The following CHD6 variants were observed in gnomAD, a reference collection of about 807,000 sequenced individuals.
The protein encoded by CHD6 is ATP-dependent chromatin remodeler CHD6.
A neutral mutation model predicts 276.9 loss-of-function variants in CHD6; 50 were observed. That is an observed-to-expected ratio of 0.18 (90% confidence interval 0.14 to 0.23). The LOEUF is 0.23. Ranked by LOEUF, CHD6 falls within the 10% of genes least tolerant of loss-of-function variation. The pLI, the probability that CHD6 is intolerant of heterozygous loss-of-function variation, is 1.00. For missense variants in CHD6, 2,564 were observed against 3,365.8 expected (o/e 0.76, Z 5.89); for synonymous variants, 1,173 against 1,229.3 (o/e 0.95, Z 0.96).
chr20:41,526,821 T>C (rs1220162279), intron 3 of CHD6, among the ~76,000 whole-genome samples: 1 of 152,208 alleles, frequency 6.6e-6, no homozygotes, highest in African/African-American at 2.4e-5. Flanking sequence ...AACATGTTTC[T>C]CAAAGGATAA....
At chr20:41,444,825 G>C (rs952997630) in intron 25 of CHD6, among the ~76,000 whole-genome samples, 1 of 152,196 alleles carries the variant, frequency 6.6e-6, no homozygotes, top group Non-Finnish European at 1.5e-5. Context: ...CATTGTATAA[G>C]TGAGAAAATA....
intron 1 of CHD6, among the ~76,000 whole-genome samples, chr20:41,566,868 C>T (rs747305962): frequency 1.3e-5 from 2 of 152,190 alleles, no homozygotes; most frequent in Non-Finnish European, 2.9e-5. Context: ...TCCCTATAAT[C>T]CTGTGTCAGG....
intron 2 of CHD6, among the ~76,000 whole-genome samples, 160 bp downstream of exon 2, chr20:41,551,145 T>G (rs2146145632): frequency 6.6e-6 from 1 of 152,302 alleles, no homozygotes. Flanking sequence ...AAAATCCATA[T>G]TATTAAGTCA....
At chr20:41,408,259 C>T (rs1400935476) in intron 36 of CHD6, among the ~76,000 whole-genome samples, 2 of 152,072 alleles carry the variant, frequency 1.3e-5, no homozygotes, top group African/African-American at 2.4e-5. Context: ...TGGTCAGGGA[C>T]AGAGCAGGTG....
intron 5 of CHD6, among the ~76,000 whole-genome samples, chr20:41,506,705 A>G (rs1314914556): frequency 6.6e-6 from 1 of 152,022 alleles, no homozygotes; most frequent in Non-Finnish European, 1.5e-5. Context: ...TGGTCCTTTG[A>G]CCTCCCATGC....
At chr20:41,468,108 CTT>C (rs34106201) in intron 17 of CHD6, among the ~76,000 whole-genome samples, 16 of 136,584 alleles carry the variant, frequency 1.2e-4, no homozygotes, top group Admixed American at 1.5e-4. Context: ...TCCTATCATT[CTT>C]TTTTTTTTTT....
chr20:41,472,241 CAAA>C (rs11360480), intron 17 of CHD6, among the ~76,000 whole-genome samples: 2 of 125,846 alleles, frequency 1.6e-5, no homozygotes, highest in Admixed American at 7.9e-5. Context: ...GACTCTGTCT[CAAA>C]AAAAAAAAAA....
Position 41,437,217 on chromosome 20 carries a change from A to T in CHD6, c.4068+57T>A, listed in dbSNP as rs996096527. On this transcript the variant is annotated intron_variant, in intron 27 of 36. Coordinates refer to ENST00000373233, the MANE Select transcript of CHD6 (RefSeq NM_032221.5). Reference sequence around the variant, plus strand: ...CCCCCAGATCACTACCAAGATAGGGATTTCTTTCTTAATATGAAAGACGGT... The same window carrying T: ...CCCCCAGATCACTACCAAGATAGGGTTTTCTTTCTTAATATGAAAGACGGT... The T allele has an allele frequency of 3.8e-6, 5 of 1,306,810 alleles. No individual in the cohort carries two copies. In the East Asian group the frequency reaches 1.2e-4, roughly 30 times the overall value. The allele number at this position is 1,306,810 out of a possible 1,614,324, so 81.0% of individuals were successfully genotyped here.
Position 41,421,648 on chromosome 20 carries a change from C to T in CHD6, c.4987G>A (p.Val1663Met). The change falls in exon 31 of 37, where the codon GTG becomes ATG. Residue 1663 changes from valine to methionine, a missense_variant. Val to Met is a conservative substitution (Grantham distance 21, BLOSUM62 1). Around this residue, in one of 7 missense-constraint regions of CHD6, gnomAD observed 1,024 missense variants for 1,047.9 expected, o/e 0.98. Transcript: ENST00000373233. ...TGATCATCTCTGCTTTCTACTCTCA[C>T]TAGATTTTCAGGTTCATTTTCAAGG... ...ESLENEPENL[V>M]RVESRDDHLS... The T allele has an allele frequency of 1.2e-6, 2 of 1,613,614 alleles. No homozygotes were observed. Among genetic ancestry groups the T allele is most frequent in the Non-Finnish European group, 1.7e-6 (2 of 1,179,712 alleles).
intron 1 of CHD6, among the ~76,000 whole-genome samples, chr20:41,615,900 T>C (rs550852199): frequency 6.6e-6 from 1 of 152,356 alleles, no homozygotes; most frequent in East Asian, 1.9e-4. Flanking sequence ...AAAACATTTC[T>C]TCAAAACTTT....
rs1008329312 is a variant in CHD6 at position 41,403,901 on chromosome 20, G to A, written c.*692C>T. ...TCGCAGCAAGAGGAATCTTTTCACT[G>A]GTGAGAGGGATGTATAGAAAATAAT... On this transcript the variant is annotated 3_prime_UTR_variant, in exon 37 of 37. Transcript: ENST00000373233. The A allele has an allele frequency of 9.5e-7, 1 of 1,056,106 alleles. No homozygotes were observed. The highest frequency in any genetic ancestry group is 1.7e-5 in the African/African-American group (1 of 60,492). The allele number at this position is 1,056,106 out of a possible 1,614,324, so 65.4% of individuals were successfully genotyped here.
intron 3 of CHD6, among the ~76,000 whole-genome samples, chr20:41,520,069 A>T (rs772477197): frequency 6.6e-6 from 1 of 152,250 alleles, no homozygotes; most frequent in Non-Finnish European, 1.5e-5. Context: ...CACATGAAAA[A>T]ATGCTCATCA....
chr20:41,554,510 T>C (rs1168344468), intron 1 of CHD6, among the ~76,000 whole-genome samples: 1 of 151,676 alleles, frequency 6.6e-6, no homozygotes, highest in Non-Finnish European at 1.5e-5. Context: ...CAAAGGTCTC[T>C]GGTTTTCCTA....
chr20:41,463,564 A>G (rs1296888948), intron 17 of CHD6, among the ~76,000 whole-genome samples: 1 of 152,154 alleles, frequency 6.6e-6, no homozygotes, highest in Non-Finnish European at 1.5e-5. Context: ...GTAGTACTAA[A>G]CCTAGATCCA....
intron 29 of CHD6, 55 bp downstream of exon 29, chr20:41,425,123 T>C: frequency 3.4e-6 from 5 of 1,451,120 alleles, no homozygotes; most frequent in Non-Finnish European, 4.8e-6. Flanking sequence ...CTTTACCTTT[T>C]GAAAACTTTA....
At chr20:41,562,512 A>G (rs749672642) in intron 1 of CHD6, among the ~76,000 whole-genome samples, 13 of 149,768 alleles carry the variant, frequency 8.7e-5, no homozygotes, top group Non-Finnish European at 1.8e-4. Flanking sequence ...TTTTTGTATT[A>G]TGAATTCTTT....
At position 41,514,801 on chromosome 20, in the gene CHD6, G is replaced by T; in HGVS notation, c.702+4C>A. On this transcript the variant is annotated splice_donor_region_variant and intron_variant, in intron 4 of 36. Coordinates refer to ENST00000373233, the MANE Select transcript of CHD6 (RefSeq NM_032221.5). ...TCCACCAGGCCTCCCGGTCACAGCT[G>T]TACCTGGCTGTCTGTAGACTCAGTG... 2 of 1,613,666 alleles carry T rather than the reference G, an allele frequency of 1.2e-6. No individual in the cohort carries two copies. Among genetic ancestry groups the T allele is most frequent in the Non-Finnish European group, 1.7e-6 (2 of 1,179,816 alleles).
At chr20:41,545,180 C>A (rs1184769498) in intron 2 of CHD6, among the ~76,000 whole-genome samples, 5 of 152,158 alleles carry the variant, frequency 3.3e-5, no homozygotes, top group African/African-American at 1.2e-4. Flanking sequence ...ACATTTAACT[C>A]TTTTCCACGT....
chr20:41,465,398 G>A (rs570715321), intron 17 of CHD6, among the ~76,000 whole-genome samples: 34 of 152,152 alleles, frequency 2.2e-4, no homozygotes, highest in African/African-American at 7.2e-4. Flanking sequence ...GCATAACCTC[G>A]TATCTCACCA....
Sources: allele counts gnomAD v4.1 joint callset (sites outside exome capture counted in the v4.1 genomes callset), GRCh38; gene constraint gnomAD v4.1.1; regional missense constraint gnomAD v4.1.1; transcripts MANE v1.5; gene names NCBI Gene and HGNC (gene_info 2026-07-23, HGNC 2026-07-21).